The following ESCO1 variants were observed in gnomAD, a reference collection of about 807,000 sequenced individuals.
The protein encoded by ESCO1 is N-acetyltransferase ESCO1.
ESCO1 carries 33 observed loss-of-function variants against 83.5 expected under a neutral mutation model. The ratio of observed to expected loss-of-function variants is 0.40; its 90% CI spans 0.30 to 0.53. The LOEUF (loss-of-function observed/expected upper bound fraction) is 0.53, where lower values mean the gene tolerates loss of function less well. Ranked by LOEUF, ESCO1 falls within the 20% of genes least tolerant of loss-of-function variation. The pLI is 0.63. For synonymous variants in ESCO1, 332 were observed against 324.3 expected (o/e 1.02, Z -0.25); for missense variants, 855 against 968.0 (o/e 0.88, Z 1.55).
chr18:21,544,933 AGTAGTGACT>A (rs1282052219), intron 8 of ESCO1, among the ~76,000 whole-genome samples: 1 of 152,266 alleles, frequency 6.6e-6, no homozygotes. Flanking sequence ...AGTGCAGTAA[AGTAGTGACT>A]GTAACAGGAG....
intron 9 of ESCO1, among the ~76,000 whole-genome samples, 156 bp downstream of exon 9, chr18:21,539,764 C>T (rs1056538838): frequency 5.9e-5 from 9 of 152,080 alleles, no homozygotes; most frequent in African/African-American, 2.2e-4. Flanking sequence ...AGGAGAATCC[C>T]TTGAACCCGG....
intron 4 of ESCO1, among the ~76,000 whole-genome samples, chr18:21,572,994 G>T (rs910836817): frequency 9.3e-5 from 14 of 150,718 alleles, no homozygotes; most frequent in African/African-American, 3.4e-4. Context: ...CCTAAGAAAC[G>T]TACTTTCTAT....
At chr18:21,588,923 T>C (rs1481842383) in intron 1 of ESCO1, among the ~76,000 whole-genome samples, 1 of 151,886 alleles carries the variant, frequency 6.6e-6, no homozygotes, top group African/African-American at 2.4e-5. Flanking sequence ...GATACAGAGA[T>C]GATTTAATTT....
At chr18:21,540,171 C>T (rs1309282528) in intron 8 of ESCO1, among the ~76,000 whole-genome samples, 162 bp from the exon 9 acceptor site, 7 of 152,060 alleles carry the variant, frequency 4.6e-5, no homozygotes, top group Non-Finnish European at 1.0e-4. Flanking sequence ...CATGATAAAT[C>T]GGCTATTTTG....
chr18:21,541,780 A>C (rs1364994617), intron 8 of ESCO1, among the ~76,000 whole-genome samples: 1 of 152,160 alleles, frequency 6.6e-6, no homozygotes, highest in Non-Finnish European at 1.5e-5. Context: ...AGAGATTTTC[A>C]CTTTAAAACA....
chr18:21,558,860 G>C (rs1414031891), intron 8 of ESCO1, among the ~76,000 whole-genome samples: 2 of 151,548 alleles, frequency 1.3e-5, no homozygotes, highest in African/African-American at 2.4e-5. Flanking sequence ...ATTAACACCA[G>C]AGTACCATAT....
chr18:21,566,591 G>A (rs927120869), intron 5 of ESCO1, among the ~76,000 whole-genome samples: 1 of 152,184 alleles, frequency 6.6e-6, no homozygotes, highest in Non-Finnish European at 1.5e-5. Context: ...CGGGCATGGT[G>A]GCCTCACATC....
chr18:21,579,613 T>C (rs1023431049), intron 2 of ESCO1, among the ~76,000 whole-genome samples: 4 of 149,842 alleles, frequency 2.7e-5, no homozygotes, highest in Non-Finnish European at 5.9e-5. Context: ...CTACTAAAAA[T>C]ACAAAAAAAT....
At chr18:21,572,794 G>A (rs567297108) in intron 4 of ESCO1, among the ~76,000 whole-genome samples, 54 of 151,918 alleles carry the variant, frequency 3.6e-4, no homozygotes, top group African/African-American at 1.1e-3. Flanking sequence ...GAGAAACCCC[G>A]TCTCTACTAA....
At chr18:21,566,031 A>G (rs2038255305) in intron 6 of ESCO1, 115 bp downstream of exon 6, 1 of 896,510 alleles carries the variant, frequency 1.1e-6, no homozygotes, top group Non-Finnish European at 1.7e-6. Context: ...TGTAATGAAA[A>G]GAGAATCTGT....
intron 1 of ESCO1, among the ~76,000 whole-genome samples, chr18:21,585,173 T>C (rs1337848809): frequency 6.6e-6 from 1 of 151,536 alleles, no homozygotes; most frequent in Non-Finnish European, 1.5e-5. Context: ...CACAACTGCA[T>C]GGTCACCATC....
chr18:21,558,520 GGAGTTCAA>G (rs1249159538), intron 8 of ESCO1, among the ~76,000 whole-genome samples: 1 of 152,072 alleles, frequency 6.6e-6, no homozygotes. Context: ...CCTGAGGTCA[GGAGTTCAA>G]GACCAGCCTG....
Position 21,543,072 on chromosome 18 carries a change from T to C in ESCO1, c.1954-3063A>G, listed in dbSNP as rs544268448. Among the ~76,000 whole-genome samples, 8 of 152,372 alleles carry C rather than the reference T, an allele frequency of 5.3e-5. No individual in the cohort carries two copies. The South Asian group carries it at 1.7e-3, about 32-fold the overall frequency. ...GTATTTTCCAAAACCCATTTTTTCT[T>C]ACTTCATCCATTTCTGCTTCATGAA... is the stretch of plus-strand genomic sequence containing the variant. On this transcript the variant is annotated intron_variant, in intron 8 of 11. Transcript: ENST00000269214.
chr18:21,532,161 A>G (rs1372387728), intron 11 of ESCO1, among the ~76,000 whole-genome samples: 2 of 152,194 alleles, frequency 1.3e-5, no homozygotes, highest in East Asian at 3.9e-4. Context: ...TTCTTTGGTT[A>G]TATTTAAAAT....
At position 21,539,838 on chromosome 18, in the gene ESCO1, ACC is replaced by A. The variant is rs1200120138; in HGVS notation, c.2043+80_2043+81del. The A allele has an allele frequency of 2.8e-5, 32 of 1,139,058 alleles. No homozygotes were observed. The Admixed American group carries it at 5.6e-4, about 20-fold the overall frequency. 70.6% of individuals were successfully genotyped at this position (1,139,058 alleles called of 1,614,324 possible). On this transcript the variant is annotated intron_variant, in intron 9 of 11. Coordinates refer to ENST00000269214, the MANE Select transcript of ESCO1 (RefSeq NM_052911.3). ...ACTCCAGCCTGAGCGACAGAGCAAG[ACC>A]CTGTCTCAGGGTAAAAAAAAAAAAA... is the stretch of plus-strand genomic sequence containing the variant.
intron 8 of ESCO1, among the ~76,000 whole-genome samples, chr18:21,540,256 A>G (rs1233501616): frequency 6.6e-6 from 1 of 152,172 alleles, no homozygotes; most frequent in Non-Finnish European, 1.5e-5. Context: ...ATACCACAAG[A>G]GTATTTCTAA....
chr18:21,598,303 A>G (rs2038793276), intron 1 of ESCO1, among the ~76,000 whole-genome samples: 1 of 152,240 alleles, frequency 6.6e-6, no homozygotes, highest in Non-Finnish European at 1.5e-5. Context: ...ACTATCTGGC[A>G]AAAGAAGTTA....
intron 7 of ESCO1, among the ~76,000 whole-genome samples, chr18:21,561,642 G>A (rs1473369241): frequency 6.6e-6 from 1 of 152,160 alleles, no homozygotes; most frequent in African/African-American, 2.4e-5. Flanking sequence ...TGACCAGGTT[G>A]GTCTTGAACT....
chr18:21,576,174 C>T (rs773976112), intron 2 of ESCO1, among the ~76,000 whole-genome samples: 6 of 151,960 alleles, frequency 3.9e-5, no homozygotes, highest in Admixed American at 1.3e-4. Flanking sequence ...ACCTCTATTC[C>T]GATTCAAACC....
Sources: allele counts gnomAD v4.1 joint callset (sites outside exome capture counted in the v4.1 genomes callset), GRCh38; gene constraint gnomAD v4.1.1; transcripts MANE v1.5; gene names NCBI Gene and HGNC (gene_info 2026-07-23, HGNC 2026-07-21).